Variants in YTHDC2 observed in about 807,000 individuals in gnomAD.
The protein encoded by YTHDC2 is 3'-5' RNA helicase YTHDC2.
A neutral mutation model predicts 174.9 loss-of-function variants in YTHDC2; 45 were observed. That is an observed-to-expected ratio of 0.26 (90% CI 0.20 to 0.33). The LOEUF (loss-of-function observed/expected upper bound fraction) is 0.33. YTHDC2 is among the 10% of genes least tolerant of loss of function. The pLI, the probability that YTHDC2 is intolerant of heterozygous loss-of-function variation, is 1.00. For missense variants in YTHDC2, 1,650 were observed against 1,723.7 expected (o/e 0.96, Z 0.76); for synonymous variants, 657 against 574.5 (o/e 1.14, Z -2.05).
In YTHDC2 at chr5:113,563,936, T is replaced by A; in HGVS notation, c.2520T>A (p.His840Gln). 1.2e-6 allele frequency: 2 copies of A among 1,614,182 alleles called. No homozygotes were observed. Among genetic ancestry groups the A allele is most frequent in the South Asian group, 1.1e-5 (1 of 91,078 alleles). Residue 840 changes from histidine to glutamine, a missense_variant, in exon 20 of 30, where the codon CAT (histidine) becomes CAA (glutamine). By Grantham distance (24) the His-to-Gln change is conservative (BLOSUM62 0). Coordinates refer to ENST00000161863, the MANE Select transcript of YTHDC2 (RefSeq NM_022828.5). ...TGGCTGACTTGCCAGTAGAACCACA[T>A]CTTGGTAAAATGGTCTTGTGTGCTG... ...YHLADLPVEPHLGKMVLCAVV... is the reference protein window; with the variant it reads ...YHLADLPVEPQLGKMVLCAVV...
intron 23 of YTHDC2, among the ~76,000 whole-genome samples, chr5:113,568,561 T>A (rs1777506291): frequency 6.6e-6 from 1 of 152,146 alleles, no homozygotes; most frequent in Non-Finnish European, 1.5e-5. Flanking sequence ...TGTGTGTTGT[T>A]CCCCTGTCTG....
intron 9 of YTHDC2, 118 bp from the exon 10 acceptor site, chr5:113,542,250 C>G (rs1014806680): frequency 9.6e-7 from 1 of 1,041,330 alleles, no homozygotes; most frequent in Non-Finnish European, 1.4e-6. Flanking sequence ...TATGTCAAAG[C>G]ATTTGCTATA....
intron 10 of YTHDC2, among the ~76,000 whole-genome samples, chr5:113,544,494 G>A (rs950454880): frequency 1.3e-5 from 2 of 152,060 alleles, no homozygotes; most frequent in African/African-American, 4.8e-5. Context: ...ATGATAATCT[G>A]TTGGAACATG....
intron 2 of YTHDC2, among the ~76,000 whole-genome samples, chr5:113,516,469 C>T (rs558400980): frequency 1.3e-5 from 2 of 152,254 alleles, no homozygotes; most frequent in Admixed American, 6.5e-5. Flanking sequence ...ATGGTGGGAT[C>T]AATGTAAAGG....
chr5:113,570,244 G>A (rs1412928337), intron 23 of YTHDC2, among the ~76,000 whole-genome samples: 8 of 151,460 alleles, frequency 5.3e-5, no homozygotes, highest in Admixed American at 2.6e-4. Flanking sequence ...TTACAGGCAC[G>A]CACCACAATT....
Position 113,553,778 on chromosome 5 carries a change from T to G in YTHDC2, c.1976T>G (p.Phe659Cys), listed in dbSNP as rs1776424172. Residue 659 changes from phenylalanine to cysteine, a missense_variant, in exon 15 of 30, where the codon TTT becomes TGT. By Grantham distance (205) the Phe-to-Cys change is radical (BLOSUM62 -2). Coordinates refer to ENST00000161863, the MANE Select transcript of YTHDC2 (RefSeq NM_022828.5). Reference sequence around the variant, plus strand: ...TCAATTGTCTGCAGATACCAAGTCTTTATGCTTCATTCAAATATGCAAACA... The same window carrying G: ...TCAATTGTCTGCAGATACCAAGTCTGTATGCTTCATTCAAATATGCAAACA... ...FADSTHRYQV[F>C]MLHSNMQTSD... The G allele has an allele frequency of 6.2e-7, 1 of 1,612,440 alleles. No homozygotes were observed. The highest frequency in any genetic ancestry group is 8.5e-7 in the Non-Finnish European group (1 of 1,179,362).
At chr5:113,558,752 T>C (rs62373765) in intron 17 of YTHDC2, among the ~76,000 whole-genome samples, 3,277 of 152,046 alleles carry the variant, frequency 0.022, 47 homozygotes, top group Middle Eastern at 0.031. Flanking sequence ...TGAAACCCTG[T>C]CTCTAATAAA....
chr5:113,557,638 TA>T (rs1580576895), intron 17 of YTHDC2, among the ~76,000 whole-genome samples: 1 of 151,872 alleles, frequency 6.6e-6, no homozygotes, highest in African/African-American at 2.4e-5. Flanking sequence ...TACAAAAAAT[TA>T]AAAAATCAGC....
chr5:113,530,955 A>T (rs1220639505), intron 4 of YTHDC2, among the ~76,000 whole-genome samples: 1 of 152,170 alleles, frequency 6.6e-6, no homozygotes, highest in Non-Finnish European at 1.5e-5. Flanking sequence ...TTTGCAAGGT[A>T]CAGAATTCTA....
intron 18 of YTHDC2, among the ~76,000 whole-genome samples, chr5:113,562,592 T>G (rs1456337604): frequency 1.3e-5 from 2 of 152,188 alleles, no homozygotes; most frequent in Non-Finnish European, 2.9e-5. Flanking sequence ...TTCTTGTTAC[T>G]TATCCTCTCT....
chr5:113,570,848 T>A lies in YTHDC2; in HGVS notation c.3244+2999T>A, dbSNP rs1197533774. ...TTTGTATTTTTAGTAGATTTGGCAT[T>A]TCACCATGTTGGCCAGGCAGGTCTC... On this transcript the variant is annotated intron_variant, in intron 23 of 29. Coordinates refer to ENST00000161863, the MANE Select transcript of YTHDC2 (RefSeq NM_022828.5). Among the ~76,000 whole-genome samples, 4 of 152,074 alleles carry A rather than the reference T, an allele frequency of 2.6e-5. 1 individual carries two copies. Among genetic ancestry groups the A allele is most frequent in the Non-Finnish European group, 4.4e-5 (3 of 68,026 alleles).
chr5:113,582,516 A>C (rs915007825), intron 25 of YTHDC2: 1 of 152,208 alleles, frequency 6.6e-6, no homozygotes, highest in East Asian at 1.9e-4. Context: ...TTAGAATCAA[A>C]TTTAAGTTAT....
At chr5:113,578,454 A>G (rs902642370) in intron 23 of YTHDC2, among the ~76,000 whole-genome samples, 16 of 152,198 alleles carry the variant, frequency 1.1e-4, no homozygotes, top group Non-Finnish European at 2.1e-4. Context: ...GCATTTGTTC[A>G]TATAATCAGA....
intron 2 of YTHDC2, among the ~76,000 whole-genome samples, chr5:113,518,199 T>TG (rs915515290): frequency 2.2e-4 from 33 of 147,734 alleles, no homozygotes; most frequent in African/African-American, 8.3e-4. Flanking sequence ...TTTTTTGTTT[T>TG]TTTTTTTTTT....
At position 113,567,735 on chromosome 5, in the gene YTHDC2, C is replaced by T; in HGVS notation, c.3130C>T (p.His1044Tyr). Residue 1044 changes from histidine (H) to tyrosine (Y), a missense_variant, in exon 23 of 30, where the codon CAT becomes TAT. By Grantham distance (83) the His-to-Tyr change is moderately conservative. Coordinates refer to ENST00000161863, the MANE Select transcript of YTHDC2 (RefSeq NM_022828.5). ...WLIYDEMTRA[H>Y]RIANIRCCSA... is the part of the protein sequence containing the mutation. ...TATTTATGATGAAATGACCAGAGCC[C>T]ATAGAATAGCTAATATTAGATGTTG... 1 of 1,611,780 alleles carries T rather than the reference C, an allele frequency of 6.2e-7. No individual in the cohort carries two copies. The highest frequency in any genetic ancestry group is 8.5e-7 in the Non-Finnish European group (1 of 1,178,938).
Position 113,513,901 on chromosome 5 carries a change from C to G in YTHDC2, c.6C>G (p.Ser2=), listed in dbSNP as rs758163059. The part of the protein sequence containing the change: M[S]RPSSVSPRQP... ...GAGACCATCTCTTCAGGGCAATGTC[C>G]AGGCCGAGCAGCGTCTCCCCGCGGC... Residue 2 remains serine, a synonymous_variant, in exon 1 of 30, where the codon TCC becomes TCG. Coordinates refer to ENST00000161863, the MANE Select transcript of YTHDC2 (RefSeq NM_022828.5). 19 of 1,603,398 alleles carry G rather than the reference C, an allele frequency of 1.2e-5. No homozygotes were observed. The highest frequency in any genetic ancestry group is 1.5e-5 in the Non-Finnish European group (18 of 1,176,020).
At position 113,542,523 on chromosome 5, in the gene YTHDC2, A is replaced by T; in HGVS notation, c.1495+20A>T. The T allele has an allele frequency of 1.3e-6, 2 of 1,584,110 alleles. No individual in the cohort carries two copies. The highest frequency in any genetic ancestry group is 2.3e-5 in the East Asian group (1 of 44,270). On this transcript the variant is annotated intron_variant, in intron 10 of 29. Transcript: ENST00000161863. ...TTAGTGGTAAGTTTATTTTAATTTT[A>T]AAAAATTACCCTTACAGTTATTTAT...
chr5:113,588,345 C>T lies in YTHDC2; in HGVS notation c.3826-2696C>T, dbSNP rs575548846. On this transcript the variant is annotated intron_variant, in intron 26 of 29. Transcript: ENST00000161863. Reference sequence around the variant, plus strand: ...ATTGCTTGATTTTCTTATGTTTATACCCCACTTGGTCATGGTGTTATTTTT... The same window carrying T: ...ATTGCTTGATTTTCTTATGTTTATATCCCACTTGGTCATGGTGTTATTTTT... Among the ~76,000 whole-genome samples, 43 of 152,080 alleles carry T rather than the reference C, an allele frequency of 2.8e-4. 1 individual carries two copies. Among genetic ancestry groups the T allele is most frequent in the African/African-American group, 9.2e-4 (38 of 41,516 alleles).
chr5:113,567,287 A>G lies in YTHDC2; in HGVS notation c.3038A>G (p.Gln1013Arg), dbSNP rs1322259468. The change falls in exon 22 of 30, where the codon CAA becomes CGA. Residue 1013 changes from glutamine to arginine, a missense_variant. This residue lies in a region of YTHDC2 where 913 missense variants were observed against 940.4 expected (regional missense o/e 0.97). Coordinates refer to ENST00000161863, the MANE Select transcript of YTHDC2 (RefSeq NM_022828.5). ...FHPASVLSQP[Q>R]YKKIPPANGQ... is the part of the protein sequence containing the mutation. ...CCTGCTTCAGTTCTCAGTCAGCCTC[A>G]ATATAAAAAGGTAAAAGATTTTGAA... 5 of 1,608,216 alleles carry G rather than the reference A, an allele frequency of 3.1e-6. No individual in the cohort carries two copies. Among genetic ancestry groups the G allele is most frequent in the Admixed American group, 1.7e-5 (1 of 58,284 alleles).
Sources: allele counts gnomAD v4.1 joint callset (sites outside exome capture counted in the v4.1 genomes callset), GRCh38; gene constraint gnomAD v4.1.1; regional missense constraint gnomAD v4.1.1; transcripts MANE v1.5; gene names NCBI Gene and HGNC (gene_info 2026-07-23, HGNC 2026-07-21).